Variants in MARK2 observed in about 807,000 individuals in gnomAD.
MARK2 encodes microtubule affinity regulating kinase 2.
In MARK2, 16 loss-of-function variants were observed where a neutral mutation model predicts 89.8. That is an observed-to-expected ratio of 0.18 (90% CI 0.12 to 0.27). The LOEUF is 0.27. Among genes scored for constraint, MARK2 ranks in the 10% least tolerant of loss-of-function variants. The pLI is 1.00. For synonymous variants in MARK2, 382 were observed against 399.5 expected (o/e 0.96, Z 0.52); for missense variants, 621 against 1,049.9 (o/e 0.59, Z 5.65).
intron 1 of MARK2, among the ~76,000 whole-genome samples, chr11:63,861,176 G>A (rs749982381): frequency 4.6e-5 from 7 of 151,840 alleles, no homozygotes; most frequent in Non-Finnish European, 8.8e-5. Flanking sequence ...TGGCTCACGC[G>A]GGTAATCCCA....
chr11:63,873,262 T>A (rs1180848238), intron 1 of MARK2, among the ~76,000 whole-genome samples: 1 of 152,010 alleles, frequency 6.6e-6, no homozygotes, highest in African/African-American at 2.4e-5. Flanking sequence ...TCTCTTAGAG[T>A]ACAATATCCC....
chr11:63,899,618 C>CT (rs1464253766), intron 7 of MARK2, among the ~76,000 whole-genome samples: 1 of 152,198 alleles, frequency 6.6e-6, no homozygotes, highest in Non-Finnish European at 1.5e-5. Flanking sequence ...GATGCTGAAG[C>CT]TTTGCACAGC....
intron 1 of MARK2, among the ~76,000 whole-genome samples, chr11:63,847,437 CT>C (rs1318709361): frequency 6.6e-6 from 1 of 152,088 alleles, no homozygotes; most frequent in Non-Finnish European, 1.5e-5. Flanking sequence ...TCCCAGCCAC[CT>C]TTTTGGCCTT....
chr11:63,907,597 C>T (rs1409722509), intron 17 of MARK2, among the ~76,000 whole-genome samples: 1 of 152,072 alleles, frequency 6.6e-6, no homozygotes, highest in African/African-American at 2.4e-5. Context: ...CCACCCCACC[C>T]TCATCCTCCC....
At chr11:63,889,691 G>A (rs1939678620) in intron 1 of MARK2, among the ~76,000 whole-genome samples, 1 of 152,260 alleles carries the variant, frequency 6.6e-6, no homozygotes, top group Non-Finnish European at 1.5e-5. Context: ...AGACCCCAAA[G>A]CTGTTTCAGC....
In MARK2 at chr11:63,910,448, C is replaced by G. The variant is rs1941679269; in HGVS notation, c.*1211C>G. The G allele has an allele frequency of 6.6e-6, 1 of 152,310 alleles. No homozygotes were observed. The highest frequency in any genetic ancestry group is 1.5e-5 in the Non-Finnish European group (1 of 68,036). 9.4% of individuals were successfully genotyped at this position (152,310 alleles called of 1,614,324 possible). ...GGGGACAGATAGGCTAAGCGACTCC[C>G]AGCTTGCTACCCTCAGTGGCCAGTG... On this transcript the variant is annotated 3_prime_UTR_variant, in exon 19 of 19. Transcript: ENST00000402010.
chr11:63,895,043 T>G (rs1940251829), intron 1 of MARK2, 116 bp from the exon 2 acceptor site: 1 of 750,218 alleles, frequency 1.3e-6, no homozygotes. Flanking sequence ...ATTCTTCACA[T>G]GCCTACCAGC....
chr11:63,881,387 C>T (rs922130367), intron 1 of MARK2, among the ~76,000 whole-genome samples: 3 of 152,132 alleles, frequency 2.0e-5, no homozygotes, highest in Admixed American at 6.5e-5. Flanking sequence ...TCAAGGGCAA[C>T]GAATGCCTCG....
At chr11:63,873,852 G>A (rs1165251630) in intron 1 of MARK2, among the ~76,000 whole-genome samples, 1 of 152,190 alleles carries the variant, frequency 6.6e-6, no homozygotes, top group Non-Finnish European at 1.5e-5. Context: ...TCACCATGTT[G>A]GCCAGGCTGG....
chr11:63,843,836 G>C (rs561796042), intron 1 of MARK2, among the ~76,000 whole-genome samples: 1 of 152,242 alleles, frequency 6.6e-6, no homozygotes, highest in South Asian at 2.1e-4. Flanking sequence ...TATTGGCCAA[G>C]CTGGTCTCGA....
intron 4 of MARK2, 122 bp from the exon 5 acceptor site, chr11:63,898,486 T>A (rs1590678174): frequency 2.2e-6 from 2 of 916,178 alleles, no homozygotes; most frequent in Non-Finnish European, 1.8e-6. Flanking sequence ...AACTTGTTCT[T>A]GGGAGTGGGG....
At chr11:63,859,319 CT>C (rs533265241) in intron 1 of MARK2, among the ~76,000 whole-genome samples, 331 of 141,476 alleles carry the variant, frequency 2.3e-3, no homozygotes, top group Middle Eastern at 0.011. Flanking sequence ...CTGTTTATTT[CT>C]TTTTTTTTTT....
chr11:63,889,075 A>G lies in MARK2; in HGVS notation c.55-6084A>G. On this transcript the variant is annotated intron_variant, in intron 1 of 18. Transcript: ENST00000402010. ...AAGGGGCGCCCTGCCTGAGTCCAGC[A>G]TAGTAATATTCATGGGAAGGGTGTC... 4.0e-6 allele frequency: 3 copies of G among 740,888 alleles called. No homozygotes were observed. In the South Asian group the frequency reaches 4.3e-5, roughly 11 times the overall value. The allele number at this position is 740,888 out of a possible 1,614,324, so 45.9% of individuals were successfully genotyped here.
chr11:63,901,233 A>G (rs922993726), intron 11 of MARK2, among the ~76,000 whole-genome samples, 164 bp downstream of exon 11: 1 of 152,128 alleles, frequency 6.6e-6, no homozygotes, highest in Non-Finnish European at 1.5e-5. Context: ...TGGCCCATTC[A>G]CTGATCTCCA....
chr11:63,840,920 A>G (rs2015981841), intron 1 of MARK2, among the ~76,000 whole-genome samples: 1 of 151,776 alleles, frequency 6.6e-6, no homozygotes, highest in South Asian at 2.1e-4. Context: ...CTCACTTTTG[A>G]TCCCAGAGAC....
intron 16 of MARK2, 77 bp downstream of exon 16, chr11:63,905,120 G>A: frequency 6.9e-7 from 1 of 1,445,590 alleles, no homozygotes; most frequent in South Asian, 1.2e-5. Flanking sequence ...TGGGGGTTGG[G>A]GGTTGGGGTT....
Position 63,902,181 on chromosome 11 carries a change from T to C in MARK2, c.1102-17T>C, listed in dbSNP as rs752747539. On this transcript the variant is annotated splice_polypyrimidine_tract_variant and intron_variant, in intron 11 of 18. Coordinates refer to ENST00000402010, the MANE Select transcript of MARK2 (RefSeq NM_001039469.3). This position sits in a 1 kb window ranked among gnomAD's most constrained non-coding sequence, Gnocchi z 4.2. ...TGACTTCTGCCCTCCCTTGAAGCTG[T>C]TTTCTGTTTCTTTCAGCTGGAAGGC... is the stretch of plus-strand genomic sequence containing the variant. 2 of 1,613,462 alleles carry C rather than the reference T, an allele frequency of 1.2e-6. No individual in the cohort carries two copies. The highest frequency in any genetic ancestry group is 2.2e-5 in the East Asian group (1 of 44,836).
chr11:63,900,225 G>GA lies in MARK2; in HGVS notation c.768+117dup. The GA allele has an allele frequency of 1.2e-6, 1 of 825,024 alleles. No individual in the cohort carries two copies. Among genetic ancestry groups the GA allele is most frequent in the Non-Finnish European group, 2.0e-6 (1 of 498,820 alleles). The allele number at this position is 825,024 out of a possible 1,614,324, so 51.1% of individuals were successfully genotyped here. On this transcript the variant is annotated intron_variant, in intron 8 of 18. Coordinates refer to ENST00000402010, the MANE Select transcript of MARK2 (RefSeq NM_001039469.3). The surrounding 1 kb of genome is among the most constrained non-coding windows in gnomAD (Gnocchi z 4.7). ...ATTTGTCCCAAGCCAAAGCTTCAGA[G>GA]AAGGGCTTGCTGAGGTAGCAGCAGT... is the stretch of plus-strand genomic sequence containing the variant.
intron 1 of MARK2, among the ~76,000 whole-genome samples, chr11:63,861,771 C>T (rs1018091062): frequency 2.9e-5 from 4 of 137,664 alleles, no homozygotes; most frequent in Non-Finnish European, 6.2e-5. Flanking sequence ...GACAGAGTCT[C>T]GCTCTTGTTG....
Sources: gnomAD v4.1 joint callset for allele counts (sites outside exome capture counted in the v4.1 genomes callset) on GRCh38, gnomAD v4.1.1 for gene constraint, Gnocchi (gnomAD v3.1) non-coding constraint, MANE v1.5 for transcripts, NCBI Gene and HGNC (gene_info 2026-07-23, HGNC 2026-07-21) for gene names.